SNX29: variants seen among roughly 807,000 people sequenced by gnomAD.
SNX29 encodes the protein sorting nexin-29.
A neutral mutation model predicts 102.1 loss-of-function variants in SNX29; 78 were observed. The observed-to-expected ratio is 0.76, with a 90% confidence interval of 0.64 to 0.92. The LOEUF is 0.92. SNX29 is among the 40% of genes least tolerant of loss of function. SNX29 has a pLI of 0.00. For synonymous variants in SNX29, 580 were observed against 414.5 expected (o/e 1.40, Z -4.85); for missense variants, 1,280 against 1,061.7 (o/e 1.21, Z -2.86).
intron 20 of SNX29, chr16:12,557,408 G>A (rs1350710700): frequency 6.6e-6 from 1 of 152,190 alleles, no homozygotes; most frequent in African/African-American, 2.4e-5. Context: ...TTTGGCTTTT[G>A]AGACTGAGTT....
chr16:12,324,676 A>G (rs2856769), intron 15 of SNX29, among the ~76,000 whole-genome samples: 148,997 of 152,194 alleles, frequency 0.98, 73,018 homozygotes, highest in Middle Eastern at 1. Context: ...TGCTACCTGC[A>G]TTGTTGACTT....
At chr16:12,115,522 T>TGTGTGG (rs1337034805) in intron 11 of SNX29, among the ~76,000 whole-genome samples, 3 of 149,958 alleles carry the variant, frequency 2.0e-5, no homozygotes, top group East Asian at 4.0e-4. Flanking sequence ...TGTGTGTGTG[T>TGTGTGG]GGTGCTGGGT....
chr16:12,142,718 C>T (rs1190785544), intron 13 of SNX29, among the ~76,000 whole-genome samples: 1 of 151,816 alleles, frequency 6.6e-6, no homozygotes, highest in Non-Finnish European at 1.5e-5. Flanking sequence ...CGCCTGCCAC[C>T]ACGCCTGGCT....
chr16:12,287,547 C>T (rs1211407658), intron 15 of SNX29, among the ~76,000 whole-genome samples: 1 of 152,202 alleles, frequency 6.6e-6, no homozygotes, highest in Non-Finnish European at 1.5e-5. Flanking sequence ...ATCCAAAGCA[C>T]AACGTTGATT....
At chr16:12,286,847 A>G (rs921353860) in intron 15 of SNX29, among the ~76,000 whole-genome samples, 1 of 152,152 alleles carries the variant, frequency 6.6e-6, no homozygotes, top group African/African-American at 2.4e-5. Flanking sequence ...CCATATTATT[A>G]CATTCCTGAG....
At chr16:12,246,903 C>G (rs1293822239) in intron 14 of SNX29, among the ~76,000 whole-genome samples, 4 of 152,108 alleles carry the variant, frequency 2.6e-5, no homozygotes. Context: ...GTCCCCTCCC[C>G]TCGGCAGGTT....
At chr16:12,287,843 A>G (rs1221377251) in intron 15 of SNX29, among the ~76,000 whole-genome samples, 4 of 152,034 alleles carry the variant, frequency 2.6e-5, no homozygotes, top group South Asian at 2.1e-4. Flanking sequence ...CTTACGTGTC[A>G]TTTATTAGTT....
At position 12,496,256 on chromosome 16, in the gene SNX29, C is replaced by T. The variant is rs565759002; in HGVS notation, c.2178+18397C>T. Among the ~76,000 whole-genome samples, 8 of 152,328 alleles carry T rather than the reference C, an allele frequency of 5.3e-5. No homozygotes were observed. The South Asian group carries it at 1.4e-3, about 28-fold the overall frequency. On this transcript the variant is annotated intron_variant, in intron 19 of 20. Coordinates refer to ENST00000566228, the MANE Select transcript of SNX29 (RefSeq NM_032167.5). The stretch of plus-strand genomic sequence containing the variant: ...TGACACAGGGGTAGTCAGCTGGCAA[C>T]TCACAGGTCACATTCCACCCAAGTC...
In SNX29 at chr16:12,238,379, AC is replaced by A. The variant is rs1265330604; in HGVS notation, c.1678+38699del. ...TGTACTCTGGGAGGATCGCTTGACC[AC>A]CCAGGCATGATCTCGGCTCACTGCA... On this transcript the variant is annotated intron_variant, in intron 14 of 20. Transcript: ENST00000566228. Among the ~76,000 whole-genome samples, 6 of 148,510 alleles carry A rather than the reference AC, an allele frequency of 4.0e-5. No homozygotes were observed. In the Admixed American group the frequency reaches 4.1e-4, roughly 10 times the overall value.
chr16:12,024,594 C>T (rs1286373038), intron 3 of SNX29, among the ~76,000 whole-genome samples: 5 of 152,278 alleles, frequency 3.3e-5, no homozygotes, highest in East Asian at 3.9e-4. Context: ...CCTGGGTATT[C>T]GTGCAGTGTT....
At position 12,554,581 on chromosome 16, in the gene SNX29, G is replaced by A. The variant is rs545659159; in HGVS notation, c.2319-13925G>A. On this transcript the variant is annotated intron_variant, in intron 20 of 20. Coordinates refer to ENST00000566228, the MANE Select transcript of SNX29 (RefSeq NM_032167.5). ...AACAATTTCTTAAAGCTGACACCAA[G>A]ACTTGGAGCTCCCAAGCCAGAGGAG... is the stretch of plus-strand genomic sequence containing the variant. Among the ~76,000 whole-genome samples, 8 of 152,272 alleles carry A rather than the reference G, an allele frequency of 5.3e-5. No homozygotes were observed. The East Asian group carries it at 7.7e-4, about 15-fold the overall frequency.
At chr16:12,088,909 G>A (rs751407871) in intron 11 of SNX29, among the ~76,000 whole-genome samples, 11 of 152,208 alleles carry the variant, frequency 7.2e-5, no homozygotes, top group South Asian at 2.1e-4. Context: ...CCAACACAGC[G>A]AAACCCCATC....
intron 15 of SNX29, among the ~76,000 whole-genome samples, chr16:12,326,522 G>A (rs57011047): frequency 0.059 from 8,961 of 152,048 alleles, 578 homozygotes; most frequent in African/African-American, 0.15. Flanking sequence ...CAGCTCTGCC[G>A]GTGTGTCTCA....
At chr16:12,504,797 T>G (rs952852033) in intron 19 of SNX29, among the ~76,000 whole-genome samples, 2 of 152,238 alleles carry the variant, frequency 1.3e-5, no homozygotes, top group Non-Finnish European at 2.9e-5. Flanking sequence ...TATATAAGGT[T>G]TGGTGCTATC....
chr16:12,469,686 T>G (rs1211601382), intron 18 of SNX29, among the ~76,000 whole-genome samples: 1 of 152,196 alleles, frequency 6.6e-6, no homozygotes, highest in Non-Finnish European at 1.5e-5. Flanking sequence ...CATTTCTTAG[T>G]TGCTCCAGGT....
intron 16 of SNX29, among the ~76,000 whole-genome samples, chr16:12,369,751 G>T (rs562058121): frequency 6.6e-6 from 1 of 152,150 alleles, no homozygotes; most frequent in East Asian, 1.9e-4. Flanking sequence ...ATAACCACAT[G>T]ATTATGTTAA....
rs371663347 is a variant in SNX29, at chr16:12,471,119, C to T, written c.2038-6600C>T. Among the ~76,000 whole-genome samples the T allele has an allele frequency of 3.6e-4, 55 of 152,272 alleles. 1 individual carries two copies. The East Asian group carries it at 0.01, about 28-fold the overall frequency. The stretch of plus-strand genomic sequence containing the variant: ...TGACATGCTTTGGGCTAAAGACGCC[C>T]GTTCCTATGCTTGGCACACCCTTAA... On this transcript the variant is annotated intron_variant, in intron 18 of 20. Transcript: ENST00000566228.
At chr16:12,367,617 C>T (rs2082533381) in intron 16 of SNX29, 1 of 152,202 alleles carries the variant, frequency 6.6e-6, no homozygotes, top group Non-Finnish European at 1.5e-5. Context: ...AGGGAGTGAT[C>T]TCATTTGAGG....
Position 12,255,407 on chromosome 16 carries a change from G to C in SNX29, c.1679-22526G>C, listed in dbSNP as rs150848530. Among the ~76,000 whole-genome samples the C allele has an allele frequency of 2.2e-3, 333 of 152,150 alleles. 3 individuals carry two copies. The highest frequency in any genetic ancestry group is 7.1e-4 in the Non-Finnish European group (48 of 68,004). The stretch of plus-strand genomic sequence containing the variant: ...GGGTTTCGCCATATTAACCAGGCTA[G>C]TGTGAGCCACTTTGTTCTGCTAACA... On this transcript the variant is annotated intron_variant, in intron 14 of 20. Coordinates refer to ENST00000566228, the MANE Select transcript of SNX29 (RefSeq NM_032167.5).
Sources: gnomAD v4.1 joint callset for allele counts (sites outside exome capture counted in the v4.1 genomes callset) on GRCh38, gnomAD v4.1.1 for gene constraint, MANE v1.5 for transcripts, NCBI Gene and HGNC (gene_info 2026-07-23, HGNC 2026-07-21) for gene names.